PCDHGB5: variants seen among roughly 807,000 people sequenced by gnomAD.
The protein encoded by PCDHGB5 is protocadherin gamma subfamily B, 5, also known as protocadherin gamma-B5.
In PCDHGB5, 48 loss-of-function variants were observed where a neutral mutation model predicts 62.9. The ratio of observed to expected loss-of-function variants is 0.76; its 90% CI spans 0.61 to 0.97. The LOEUF (loss-of-function observed/expected upper bound fraction) is 0.97, where lower values mean the gene tolerates loss of function less well. Among genes scored for constraint, PCDHGB5 ranks in the 50% least tolerant of loss-of-function variants. The pLI, the probability that PCDHGB5 is intolerant of heterozygous loss-of-function variation, is 0.00. For synonymous variants in PCDHGB5, 474 were observed against 511.2 expected, an observed-to-expected ratio of 0.93 and a Z score of 0.98; for missense variants, 1,118 against 1,198.6, an observed-to-expected ratio of 0.93 and a Z score of 0.99.
chr5:141,489,729 C>T lies in PCDHGB5; in HGVS notation c.2398-5078C>T, dbSNP rs760195181. ...ACAGTGCCCAGGATCCGGATGTGGGCACCAATACTGTGAGCTTTTACACTC... is the reference window on the plus strand; with the variant it reads ...ACAGTGCCCAGGATCCGGATGTGGGTACCAATACTGTGAGCTTTTACACTC... On this transcript the variant is annotated intron_variant, in intron 1 of 3. Transcript: ENST00000617380. The surrounding 1 kb of genome is among the most constrained non-coding windows in gnomAD (Gnocchi z 4.5). 2.5e-6 allele frequency: 4 copies of T among 1,614,152 alleles called. No individual in the cohort carries two copies. The highest frequency in any genetic ancestry group is 2.2e-5 in the East Asian group (1 of 44,876).
At chr5:141,492,993 G>A (rs952802686) in intron 1 of PCDHGB5, among the ~76,000 whole-genome samples, 5 of 152,216 alleles carry the variant, frequency 3.3e-5, no homozygotes, top group African/African-American at 1.2e-4. Flanking sequence ...CTGGCAGATG[G>A]AAAGCTATAG....
At position 141,398,897 on chromosome 5, in the gene PCDHGB5, C is replaced by T. The variant is rs761364649; in HGVS notation, c.770C>T (p.Pro257Leu). 2 of 1,613,932 alleles carry T rather than the reference C, an allele frequency of 1.2e-6. No homozygotes were observed. The highest frequency in any genetic ancestry group is 1.7e-6 in the Non-Finnish European group (2 of 1,179,872). The change falls in exon 1 of 4, where the codon CCA becomes CTA. Residue 257 changes from proline (P) to leucine (L), a missense_variant. Physicochemically the swap from Pro to Leu is moderately conservative, Grantham distance 98. Around this residue, in one of 2 missense-constraint regions of PCDHGB5, gnomAD observed 1,034 missense variants for 1,029.1 expected, o/e 1.00. Coordinates refer to ENST00000617380, the MANE Select transcript of PCDHGB5 (RefSeq NM_018925.3). ...YRVSLRENVP[P>L]GTTVLQVSAT... ...GTCAGCCTTCGGGAAAACGTGCCACCAGGCACCACTGTGTTGCAAGTGTCA... is the reference window on the plus strand; with the variant it reads ...GTCAGCCTTCGGGAAAACGTGCCACTAGGCACCACTGTGTTGCAAGTGTCA...
rs1403163275 is a variant in PCDHGB5 at position 141,441,708 on chromosome 5, A to T, written c.2397+41184A>T. ...AGAGCAGCCGCGAGCCTTCAAGCTC[A>T]CGCTGCAGGCCCGCGACCAGGACTA... On this transcript the variant is annotated intron_variant, in intron 1 of 3. Coordinates refer to ENST00000617380, the MANE Select transcript of PCDHGB5 (RefSeq NM_018925.3). 2.8e-5 allele frequency: 9 copies of T among 319,492 alleles called. No homozygotes were observed. In the East Asian group the frequency reaches 1.0e-3, roughly 37 times the overall value. 19.8% of individuals were successfully genotyped at this position (319,492 alleles called of 1,614,324 possible).
In PCDHGB5 at chr5:141,400,037, G is replaced by T. The variant is rs778871485; in HGVS notation, c.1910G>T (p.Arg637Leu). 5 of 1,613,132 alleles carry T rather than the reference G, an allele frequency of 3.1e-6. No individual in the cohort carries two copies. Among genetic ancestry groups the T allele is most frequent in the Admixed American group, 1.7e-5 (1 of 59,984 alleles). Residue 637 changes from arginine to leucine, a missense_variant, in exon 1 of 4, where the codon CGC (arginine) becomes CTC (leucine). By Grantham distance (102) the Arg-to-Leu change is moderately radical. Coordinates refer to ENST00000617380, the MANE Select transcript of PCDHGB5 (RefSeq NM_018925.3). ...GGCGACAGGGACGCGGCCCGCCAGC[G>T]CCTGCTGGTTGCTGTGCGTGATGGT... The part of the protein sequence containing the change: ...ALGDRDAARQ[R>L]LLVAVRDGGQ...
intron 1 of PCDHGB5, chr5:141,409,789 G>T: frequency 6.2e-7 from 1 of 1,612,036 alleles, no homozygotes; most frequent in Non-Finnish European, 8.5e-7. Context: ...GCGCCTTCGC[G>T]CTCACGCTGC....
chr5:141,399,474 C>T lies in PCDHGB5; in HGVS notation c.1347C>T (p.His449=), dbSNP rs1282833757. Residue 449 remains histidine, a synonymous_variant, in exon 1 of 4, where the codon CAC becomes CAT. Transcript: ENST00000617380. ...RDVNDNAPVF[H]QASYLVSVPE... ...TCAACGATAACGCTCCGGTTTTCCA[C>T]CAGGCGTCCTACTTAGTCAGTGTAC... is the stretch of plus-strand genomic sequence containing the variant. 6.2e-7 allele frequency: 1 copy of T among 1,614,032 alleles called. No individual in the cohort carries two copies. Among genetic ancestry groups the T allele is most frequent in the South Asian group, 1.1e-5 (1 of 91,088 alleles).
At chr5:141,405,227 C>T (rs562247940) in intron 1 of PCDHGB5, 1 of 1,614,114 alleles carries the variant, frequency 6.2e-7, no homozygotes, top group South Asian at 1.1e-5. Flanking sequence ...GGAGTTCTCC[C>T]TCACCGCTGA....
At position 141,431,906 on chromosome 5, in the gene PCDHGB5, A is replaced by G; in HGVS notation, c.2397+31382A>G. 1 of 1,613,868 alleles carries G rather than the reference A, an allele frequency of 6.2e-7. No individual in the cohort carries two copies. Among genetic ancestry groups the G allele is most frequent in the Non-Finnish European group, 8.5e-7 (1 of 1,179,692 alleles). On this transcript the variant is annotated intron_variant, in intron 1 of 3. Transcript: ENST00000617380. This position sits in a 1 kb window ranked among gnomAD's most constrained non-coding sequence, Gnocchi z 4.8. ...AGATTCTGAGGAAAACGGACAGGTG[A>G]TCTGTTTCATCCAAGGAAATCTGCC...
At chr5:141,458,988 C>T (rs996478276) in intron 1 of PCDHGB5, among the ~76,000 whole-genome samples, 1 of 152,208 alleles carries the variant, frequency 6.6e-6, no homozygotes, top group South Asian at 2.1e-4. Context: ...CTGCCTCACC[C>T]TCCCAAAGTG....
In PCDHGB5 at chr5:141,431,375, G is replaced by T. The variant is rs139873616; in HGVS notation, c.2397+30851G>T. ...ACGCGCCCTGGACCGCGAAGAAAAGGCTGCTCACCACCTGGTCCTTACGGC... is the reference window on the plus strand; with the variant it reads ...ACGCGCCCTGGACCGCGAAGAAAAGTCTGCTCACCACCTGGTCCTTACGGC... On this transcript the variant is annotated intron_variant, in intron 1 of 3. Coordinates refer to ENST00000617380, the MANE Select transcript of PCDHGB5 (RefSeq NM_018925.3). This position sits in a 1 kb window ranked among gnomAD's most constrained non-coding sequence, Gnocchi z 4.8. 21 of 1,613,422 alleles carry T rather than the reference G, an allele frequency of 1.3e-5. No homozygotes were observed. The African/African-American group carries it at 2.8e-4, about 21-fold the overall frequency.
intron 1 of PCDHGB5, among the ~76,000 whole-genome samples, chr5:141,405,709 C>T (rs2094708572): frequency 2.0e-5 from 3 of 152,150 alleles, no homozygotes; most frequent in African/African-American, 7.2e-5. Context: ...AATTCCTAAC[C>T]TCAAGTGATC....
chr5:141,460,987 A>G (rs201722325), intron 1 of PCDHGB5, among the ~76,000 whole-genome samples: 34 of 92,988 alleles, frequency 3.7e-4, no homozygotes, highest in Middle Eastern at 5.0e-3. Flanking sequence ...GTGTGTGTAT[A>G]TATATATATG....
chr5:141,423,985 C>T (rs1334591897), intron 1 of PCDHGB5: 2 of 1,100,512 alleles, frequency 1.8e-6, no homozygotes, highest in Non-Finnish European at 2.2e-6. Flanking sequence ...ATGAGGCTCT[C>T]AATTTATTAT....
Position 141,477,283 on chromosome 5 carries a change from C to T in PCDHGB5, c.2398-17524C>T, listed in dbSNP as rs766672047. The T allele has an allele frequency of 9.3e-6, 15 of 1,614,076 alleles. No homozygotes were observed. The highest frequency in any genetic ancestry group is 2.7e-5 in the African/African-American group (2 of 74,924). On this transcript the variant is annotated intron_variant, in intron 1 of 3. Coordinates refer to ENST00000617380, the MANE Select transcript of PCDHGB5 (RefSeq NM_018925.3). The surrounding 1 kb of genome is among the most constrained non-coding windows in gnomAD (Gnocchi z 4.9). ...CTGGCGAGAACGGGCTGGTGACCTG[C>T]GAAGTTCCACCGGGTCTCCCTTTCA... is the stretch of plus-strand genomic sequence containing the variant.
In PCDHGB5 at chr5:141,447,883, C is replaced by T. The variant is rs184337553; in HGVS notation, c.2398-46924C>T. Among the ~76,000 whole-genome samples the T allele has an allele frequency of 3.9e-3, 599 of 152,000 alleles. 3 individuals are homozygous for T. The highest frequency in any genetic ancestry group is 0.014 in the African/African-American group (563 of 41,452). ...GGTGAATCATCTGAGGTCAGGAGTT[C>T]GAGACCAGCCTGGCCAACATGGTGA... On this transcript the variant is annotated intron_variant, in intron 1 of 3. Coordinates refer to ENST00000617380, the MANE Select transcript of PCDHGB5 (RefSeq NM_018925.3).
chr5:141,487,442 G>A lies in PCDHGB5; in HGVS notation c.2398-7365G>A, dbSNP rs749842864. 1 of 1,613,918 alleles carries A rather than the reference G, an allele frequency of 6.2e-7. No homozygotes were observed. Among genetic ancestry groups the A allele is most frequent in the Non-Finnish European group, 8.5e-7 (1 of 1,179,798 alleles). On this transcript the variant is annotated intron_variant, in intron 1 of 3. Coordinates refer to ENST00000617380, the MANE Select transcript of PCDHGB5 (RefSeq NM_018925.3). The surrounding 1 kb of genome is among the most constrained non-coding windows in gnomAD (Gnocchi z 5.0). ...GATCCTCCGAATCCAGCTAGGGTCA[G>A]ATGACCCTATCAAGTTTGTTGATGT...
rs2734872 is a variant in PCDHGB5 at position 141,474,454 on chromosome 5, C to T, written c.2398-20353C>T. On this transcript the variant is annotated intron_variant, in intron 1 of 3. Transcript: ENST00000617380. ...ACACTTTGAGTAGCAAGTGATTGGG[C>T]TATACTCTTTATTCTAAATTCTAAA... Among the ~76,000 whole-genome samples, 6 of 152,308 alleles carry T rather than the reference C, an allele frequency of 3.9e-5. No individual in the cohort carries two copies. The East Asian group carries it at 1.2e-3, about 29-fold the overall frequency.
At chr5:141,414,134 A>T in intron 1 of PCDHGB5, 1 of 1,595,028 alleles carries the variant, frequency 6.3e-7, no homozygotes, top group South Asian at 1.1e-5. Flanking sequence ...GGTTTCTATG[A>T]AATAGAAATA....
rs2099388737 is a variant in PCDHGB5 at position 141,476,307 on chromosome 5, G to T, written c.2398-18500G>T. 1 of 1,613,606 alleles carries T rather than the reference G, an allele frequency of 6.2e-7. No individual in the cohort carries two copies. The highest frequency in any genetic ancestry group is 1.3e-5 in the African/African-American group (1 of 74,728). ...TTGGATCTCGGTAGCCTCTCAGCCC[G>T]CAGGTTCCGGGTGGTGTCTGGAGCT... On this transcript the variant is annotated intron_variant, in intron 1 of 3. Coordinates refer to ENST00000617380, the MANE Select transcript of PCDHGB5 (RefSeq NM_018925.3). The surrounding 1 kb of genome is among the most constrained non-coding windows in gnomAD (Gnocchi z 7.6).
Sources: allele counts gnomAD v4.1 joint callset (sites outside exome capture counted in the v4.1 genomes callset), GRCh38; gene constraint gnomAD v4.1.1; regional missense constraint gnomAD v4.1.1; non-coding constraint Gnocchi (gnomAD v3.1); transcripts MANE v1.5; gene names NCBI Gene and HGNC (gene_info 2026-07-23, HGNC 2026-07-21).